TMEM92: variants seen among roughly 807,000 people sequenced by gnomAD.
TMEM92 encodes transmembrane protein 92.
Under a neutral mutation model 14.6 loss-of-function variants are expected in TMEM92, and 15 were observed. That is an observed-to-expected ratio of 1.03 (90% CI 0.69 to 1.58). The LOEUF (loss-of-function observed/expected upper bound fraction) is 1.58. Ranked by LOEUF, TMEM92 falls within the 40% of genes most tolerant of loss-of-function variation. TMEM92 has a pLI of 0.00. For synonymous variants in TMEM92, 85 were observed against 83.3 expected (o/e 1.02, Z -0.11); for missense variants, 174 against 202.4 (o/e 0.86, Z 0.85).
At chr17:50,274,942 T>G in intron 1 of TMEM92, 2 of 232,844 alleles carry the variant, frequency 8.6e-6, no homozygotes, top group Non-Finnish European at 8.4e-6. Context: ...CCCAGCTCAG[T>G]TCCTCCAGTG....
intron 4 of TMEM92, 57 bp downstream of exon 4, chr17:50,279,053 G>C: frequency 7.0e-7 from 1 of 1,430,042 alleles, no homozygotes; most frequent in Non-Finnish European, 9.8e-7. Context: ...AGCAGAGACA[G>C]TGGAGGGCCC....
upstream of TMEM92, among the ~76,000 whole-genome samples, chr17:50,272,255 A>C (rs1316997175): frequency 6.7e-6 from 1 of 149,038 alleles, no homozygotes; most frequent in Non-Finnish European, 1.5e-5. Context: ...CTGACCCCCC[A>C]CATCTGTCCC....
chr17:50,277,596 G>T, intron 1 of TMEM92, 119 bp from the exon 2 acceptor site: 1 of 1,201,942 alleles, frequency 8.3e-7, no homozygotes, highest in Non-Finnish European at 1.2e-6. Flanking sequence ...TGCAGGAAGA[G>T]GCTGAGTCTA....
upstream of TMEM92, among the ~76,000 whole-genome samples, chr17:50,272,464 G>A (rs937606851): frequency 6.6e-6 from 1 of 152,148 alleles, no homozygotes; most frequent in African/African-American, 2.4e-5. Context: ...GTGGGGACAA[G>A]AAGAACCCTG....
chr17:50,276,392 G>A (rs1799179274), intron 1 of TMEM92, among the ~76,000 whole-genome samples: 1 of 152,186 alleles, frequency 6.6e-6, no homozygotes, highest in Non-Finnish European at 1.5e-5. Context: ...CCCACAAGGG[G>A]ACAAAGCCTG....
chr17:50,278,210 C>T (rs1000003484), intron 2 of TMEM92, among the ~76,000 whole-genome samples: 2 of 152,188 alleles, frequency 1.3e-5, no homozygotes, highest in Non-Finnish European at 2.9e-5. Flanking sequence ...GGACATGCCA[C>T]GTGGCCTCTT....
chr17:50,276,148 A>G (rs1342015255), intron 1 of TMEM92, among the ~76,000 whole-genome samples: 2 of 151,942 alleles, frequency 1.3e-5, no homozygotes, highest in African/African-American at 4.8e-5. Flanking sequence ...AAAAAAAAAG[A>G]AAAAAGAAAA....
At position 50,281,103 on chromosome 17, in the gene TMEM92, G is replaced by A. The variant is rs1910606036; in HGVS notation, c.*1795G>A. ...CACAGGGCCTTTAACTCCTCCTAGG[G>A]AGTAGCAGAGTGGCCCTAGGGAAAG... On this transcript the variant is annotated 3_prime_UTR_variant, in exon 5 of 5. Coordinates refer to ENST00000507382, the MANE Select transcript of TMEM92 (RefSeq NM_153229.3). 1 of 152,118 alleles carries A rather than the reference G, an allele frequency of 6.6e-6. No individual in the cohort carries two copies. The highest frequency in any genetic ancestry group is 2.4e-5 in the African/African-American group (1 of 41,412). 9.4% of individuals were successfully genotyped at this position (152,118 alleles called of 1,614,324 possible).
At position 50,278,844 on chromosome 17, in the gene TMEM92, A is replaced by G. The variant is rs146207600; in HGVS notation, c.214A>G (p.Ile72Val). The stretch of plus-strand genomic sequence containing the variant: ...CCTGGTCATCCTGTCCGTCTTTTGC[A>G]TCTGTGGCCTGGCTAAGTGCTTCTG... ...IFLVILSVFC[I>V]CGLAKCFCRN... Residue 72 changes from isoleucine (I) to valine (V), a missense_variant, in exon 4 of 5, where the codon ATC becomes GTC. Physicochemically the swap from Ile to Val is conservative, Grantham distance 29. Coordinates refer to ENST00000507382, the MANE Select transcript of TMEM92 (RefSeq NM_153229.3). 2.0e-5 allele frequency: 33 copies of G among 1,613,374 alleles called. No individual in the cohort carries two copies. The highest frequency in any genetic ancestry group is 1.1e-4 in the African/African-American group (8 of 74,820).
At chr17:50,271,793 C>T (rs1034101676), upstream of TMEM92, among the ~76,000 whole-genome samples, 5 of 152,138 alleles carry the variant, frequency 3.3e-5, no homozygotes, top group African/African-American at 1.2e-4. Flanking sequence ...AATCCCAACA[C>T]TTTGGGAGGC....
At chr17:50,278,418 G>C (rs1910499110) in intron 2 of TMEM92, 138 bp from the exon 3 acceptor site, 1 of 899,584 alleles carries the variant, frequency 1.1e-6, no homozygotes, top group South Asian at 1.6e-5. Context: ...TCAGAGCGGG[G>C]GCCATACCCC....
chr17:50,277,905 C>T (rs1034444983), intron 2 of TMEM92, among the ~76,000 whole-genome samples, 165 bp downstream of exon 2: 1 of 152,128 alleles, frequency 6.6e-6, no homozygotes, highest in African/African-American at 2.4e-5. Flanking sequence ...AGGGAGACCC[C>T]ACCCTCTACC....
intron 1 of TMEM92, among the ~76,000 whole-genome samples, chr17:50,277,252 A>T (rs1165820001): frequency 6.6e-6 from 1 of 152,058 alleles, no homozygotes; most frequent in African/African-American, 2.4e-5. Flanking sequence ...AAGGGGAGGG[A>T]GTGCAGCTGC....
chr17:50,277,809 C>G (rs1396958560), intron 2 of TMEM92, 69 bp downstream of exon 2: 63 of 1,591,150 alleles, frequency 4.0e-5, no homozygotes, highest in Non-Finnish European at 5.1e-5. Context: ...GCCCTGCATG[C>G]CTTGGGGGGT....
At chr17:50,272,852 C>A (rs1910293163), upstream of TMEM92, among the ~76,000 whole-genome samples, 1 of 151,404 alleles carries the variant, frequency 6.6e-6, no homozygotes, top group African/African-American at 2.4e-5. Flanking sequence ...CAGAGGTGAA[C>A]AGAGAGAGGA....
In TMEM92 at chr17:50,279,184, T is replaced by C. The variant is rs1381528272; in HGVS notation, c.367-11T>C. The C allele has an allele frequency of 6.2e-7, 1 of 1,612,696 alleles. No homozygotes were observed. Among genetic ancestry groups the C allele is most frequent in the Admixed American group, 1.7e-5 (1 of 60,008 alleles). ...GGGCCCAGAAGACTGAATTCTCTCT[T>C]TTCCCTGCAGGTGATTCTGAAGCCC... On this transcript the variant is annotated splice_polypyrimidine_tract_variant and intron_variant, in intron 4 of 4. Transcript: ENST00000507382.
At chr17:50,271,894 G>A (rs1856926384), upstream of TMEM92, among the ~76,000 whole-genome samples, 1 of 152,008 alleles carries the variant, frequency 6.6e-6, no homozygotes, top group Non-Finnish European at 1.5e-5. Context: ...CAAAAAATTA[G>A]CTGGACATAG....
chr17:50,275,330 G>A (rs906250570), intron 1 of TMEM92, among the ~76,000 whole-genome samples: 1 of 152,032 alleles, frequency 6.6e-6, no homozygotes, highest in Admixed American at 6.6e-5. Flanking sequence ...TTAGAACAGG[G>A]CACCTTCACA....
At position 50,279,164 on chromosome 17, in the gene TMEM92, C is replaced by T. The variant is rs149670290; in HGVS notation, c.367-31C>T. Reference sequence around the variant, plus strand: ...GGGAGTGGTGGCCAGGGCCAGGGCCCAGAAGACTGAATTCTCTCTTTTCCC... The same window carrying T: ...GGGAGTGGTGGCCAGGGCCAGGGCCTAGAAGACTGAATTCTCTCTTTTCCC... On this transcript the variant is annotated intron_variant, in intron 4 of 4. Transcript: ENST00000507382. 1,042 of 1,605,378 alleles carry T rather than the reference C, an allele frequency of 6.5e-4. 12 individuals carry two copies. In the African/African-American group the frequency reaches 0.012, roughly 19 times the overall value.
Sources: gnomAD v4.1 joint callset for allele counts (sites outside exome capture counted in the v4.1 genomes callset) on GRCh38, gnomAD v4.1.1 for gene constraint, MANE v1.5 for transcripts, NCBI Gene and HGNC (gene_info 2026-07-23, HGNC 2026-07-21) for gene names.